The following DENND3 variants were observed in gnomAD, a reference collection of about 807,000 sequenced individuals.
DENND3 encodes the protein DENN domain-containing protein 3.
DENND3 carries 88 observed loss-of-function variants against 135.1 expected under a neutral mutation model. The ratio of observed to expected loss-of-function variants is 0.65; its 90% confidence interval spans 0.55 to 0.78. DENND3 has a LOEUF of 0.78. DENND3 is among the 30% of genes least tolerant of loss of function. The probability of loss-of-function intolerance (pLI) is 0.00; values close to 1 mark genes in which losing one functional copy is unlikely to be tolerated. For missense variants in DENND3, 1,392 were observed against 1,688.4 expected, an observed-to-expected ratio of 0.82 and a Z score of 3.08; for synonymous variants, 693 against 712.3, an observed-to-expected ratio of 0.97 and a Z score of 0.43.
At position 141,194,197 on chromosome 8, in the gene DENND3, G is replaced by A; in HGVS notation, c.3801G>A (p.Arg1267=). 6.2e-7 allele frequency: 1 copy of A among 1,613,390 alleles called. No homozygotes were observed. The highest frequency in any genetic ancestry group is 8.5e-7 in the Non-Finnish European group (1 of 1,179,938). The change falls in exon 23 of 23, where the codon AGG becomes AGA. Residue 1267 remains arginine, a synonymous_variant. Coordinates refer to ENST00000519811, the MANE Select transcript of DENND3 (RefSeq NM_001352890.3). ...GATACGTGCTGAGTGGGTCGGGCAG[G>A]GAGGAGGGGAAAGTCGCCATTTGGA... ...EDRYVLSGSG[R]EEGKVAIWKG... is the part of the protein sequence containing the mutation.
Position 141,174,730 on chromosome 8 carries a change from C to T in DENND3, c.2276-470C>T, listed in dbSNP as rs1313543105. On this transcript the variant is annotated intron_variant, in intron 13 of 22. Transcript: ENST00000519811. This position sits in a 1 kb window ranked among gnomAD's most constrained non-coding sequence, Gnocchi z 4.6. Reference sequence around the variant, plus strand: ...AGGTCGGGCCAGTTACAGGAGAGGCCGACCCAGTGGCAGGGCAGCGGCGCT... The same window carrying T: ...AGGTCGGGCCAGTTACAGGAGAGGCTGACCCAGTGGCAGGGCAGCGGCGCT... 6.6e-6 allele frequency among the ~76,000 whole-genome samples: 1 copy of T among 151,450 alleles called. No homozygotes were observed. The highest frequency in any genetic ancestry group is 6.6e-5 in the Admixed American group (1 of 15,200).
Position 141,166,131 on chromosome 8 carries a change from G to C in DENND3, c.1554-59G>C. 1 of 1,540,618 alleles carries C rather than the reference G, an allele frequency of 6.5e-7. No individual in the cohort carries two copies. Among genetic ancestry groups the C allele is most frequent in the Admixed American group, 1.7e-5 (1 of 59,190 alleles). ...ACACTGGGAAAAATGCTTAGTTTAGGCTTATTCTTCAATCATTATTGTGTC... is the reference window on the plus strand; with the variant it reads ...ACACTGGGAAAAATGCTTAGTTTAGCCTTATTCTTCAATCATTATTGTGTC... On this transcript the variant is annotated intron_variant, in intron 11 of 22. Coordinates refer to ENST00000519811, the MANE Select transcript of DENND3 (RefSeq NM_001352890.3). The surrounding 1 kb of genome is among the most constrained non-coding windows in gnomAD (Gnocchi z 4.3).
At chr8:141,180,150 C>T (rs1808701) in intron 16 of DENND3, among the ~76,000 whole-genome samples, 2,333 of 152,312 alleles carry the variant, frequency 0.015, 67 homozygotes, top group African/African-American at 0.052. Context: ...CCCCTCACTG[C>T]GGAGAGGCAT....
rs1821010412 is a variant in DENND3, at chr8:141,167,869, C to T, written c.1754-135C>T. 5.4e-6 allele frequency: 7 copies of T among 1,294,618 alleles called. No homozygotes were observed. The highest frequency in any genetic ancestry group is 4.4e-5 in the South Asian group (3 of 68,788). The allele number at this position is 1,294,618 out of a possible 1,614,324, so 80.2% of individuals were successfully genotyped here. ...CAGGGGGGTGGGTGTGTGGAGCTTT[C>T]TGGAGGGAGCACACCCATTCTCATT... On this transcript the variant is annotated intron_variant, in intron 12 of 22. Coordinates refer to ENST00000519811, the MANE Select transcript of DENND3 (RefSeq NM_001352890.3). The surrounding 1 kb of genome is among the most constrained non-coding windows in gnomAD (Gnocchi z 4.1).
At chr8:141,178,887 G>A (rs980896181) in intron 16 of DENND3, among the ~76,000 whole-genome samples, 5 of 152,208 alleles carry the variant, frequency 3.3e-5, no homozygotes, top group Admixed American at 2.0e-4. Flanking sequence ...GATAGACACC[G>A]TTTGGGTGAA....
At chr8:141,159,457 A>G (rs1176943446) in intron 8 of DENND3, among the ~76,000 whole-genome samples, 1 of 150,496 alleles carries the variant, frequency 6.6e-6, no homozygotes, top group Non-Finnish European at 1.5e-5. Flanking sequence ...TCCTGGGAGA[A>G]CTCTTCTCTG....
At chr8:141,173,081 G>A (rs189782628) in intron 13 of DENND3, among the ~76,000 whole-genome samples, 12 of 152,306 alleles carry the variant, frequency 7.9e-5, no homozygotes, top group African/African-American at 2.2e-4. Flanking sequence ...TTTCTAAAAC[G>A]GAAGGGAGAC....
At position 141,137,499 on chromosome 8, in the gene DENND3, C is replaced by T. The variant is rs975930485; in HGVS notation, c.386-523C>T. On this transcript the variant is annotated intron_variant, in intron 2 of 22. Transcript: ENST00000519811. This position sits in a 1 kb window ranked among gnomAD's most constrained non-coding sequence, Gnocchi z 4.1. ...CAGTTCATCTGCAGCGGTTCCACCC[C>T]CAGTGTGCCTGAGCCTCTCCCTTCC... 1.4e-4 allele frequency among the ~76,000 whole-genome samples: 21 copies of T among 152,180 alleles called. No homozygotes were observed. The highest frequency in any genetic ancestry group is 4.8e-4 in the African/African-American group (20 of 41,432).
intron 4 of DENND3, chr8:141,142,061 G>T (rs1182120224): frequency 3.4e-6 from 1 of 294,336 alleles, no homozygotes; most frequent in African/African-American, 2.3e-5. Flanking sequence ...TGTAGAATCT[G>T]TAACTGTCTC....
Position 141,166,125 on chromosome 8 carries a change from G to C in DENND3, c.1554-65G>C. The C allele has an allele frequency of 1.3e-6, 2 of 1,526,082 alleles. No individual in the cohort carries two copies. Among genetic ancestry groups the C allele is most frequent in the African/African-American group, 1.4e-5 (1 of 73,202 alleles). 94.5% of individuals were successfully genotyped at this position (1,526,082 alleles called of 1,614,324 possible). On this transcript the variant is annotated intron_variant, in intron 11 of 22. Transcript: ENST00000519811. This position sits in a 1 kb window ranked among gnomAD's most constrained non-coding sequence, Gnocchi z 4.3. The stretch of plus-strand genomic sequence containing the variant: ...TTCATCACACTGGGAAAAATGCTTA[G>C]TTTAGGCTTATTCTTCAATCATTAT...
chr8:141,175,484 G>A lies in DENND3; in HGVS notation c.2535+25G>A, dbSNP rs1478683214. Reference sequence around the variant, plus strand: ...GGTAAGGACAGCACAGGCAGACGGCGCCAGACCCCACCTGTGTTTAGGAGA... The same window carrying A: ...GGTAAGGACAGCACAGGCAGACGGCACCAGACCCCACCTGTGTTTAGGAGA... On this transcript the variant is annotated intron_variant, in intron 14 of 22. Transcript: ENST00000519811. The surrounding 1 kb of genome is among the most constrained non-coding windows in gnomAD (Gnocchi z 5.4). The A allele has an allele frequency of 5.6e-6, 9 of 1,613,824 alleles. No individual in the cohort carries two copies. The highest frequency in any genetic ancestry group is 2.2e-5 in the East Asian group (1 of 44,886).
intron 8 of DENND3, 114 bp downstream of exon 8, chr8:141,156,084 T>C (rs1431720558): frequency 1.6e-5 from 21 of 1,338,218 alleles, no homozygotes; most frequent in Non-Finnish European, 1.7e-5. Flanking sequence ...TTATATATTA[T>C]AGTTTGGAAA....
At chr8:141,145,675 A>G (rs1361856101) in intron 5 of DENND3, among the ~76,000 whole-genome samples, 1 of 151,876 alleles carries the variant, frequency 6.6e-6, no homozygotes, top group East Asian at 1.9e-4. Flanking sequence ...GTGGCACTTC[A>G]GTGGTTAGCA....
chr8:141,193,020 C>A (rs921977537), intron 22 of DENND3: 10 of 715,890 alleles, frequency 1.4e-5, no homozygotes, highest in Admixed American at 7.8e-5. Flanking sequence ...CCCTTCTCTC[C>A]CCCACCCGCT....
chr8:141,176,291 A>AAAAAAAAAAAC (rs1569556487), intron 14 of DENND3: 8 of 234,578 alleles, frequency 3.4e-5, no homozygotes, highest in African/African-American at 1.5e-4. Flanking sequence ...ACAAAACAAA[A>AAAAAAAAAAAC]AAAAAAAAAC....
chr8:141,166,238 A>C lies in DENND3; in HGVS notation c.1602A>C (p.Arg534Ser), dbSNP rs780409767. The C allele has an allele frequency of 3.1e-6, 5 of 1,614,172 alleles. No homozygotes were observed. The highest frequency in any genetic ancestry group is 4.2e-6 in the Non-Finnish European group (5 of 1,180,046). Residue 534 changes from arginine (R) to serine (S), a missense_variant, in exon 12 of 23, where the codon AGA (arginine) becomes AGC (serine). Coordinates refer to ENST00000519811, the MANE Select transcript of DENND3 (RefSeq NM_001352890.3). This position sits in a 1 kb window ranked among gnomAD's most constrained non-coding sequence, Gnocchi z 4.3. ...CAAGGAGACCGACCGTTGAGAAAAG[A>C]GCCTCCCGGAAGTCCTCGCACCTGC... is the stretch of plus-strand genomic sequence containing the variant. ...LSPRRPTVEK[R>S]ASRKSSHLHV... is the part of the protein sequence containing the mutation.
chr8:141,145,942 G>A (rs1453802067), intron 5 of DENND3, among the ~76,000 whole-genome samples: 1 of 149,450 alleles, frequency 6.7e-6, no homozygotes, highest in Non-Finnish European at 1.5e-5. Context: ...TCTGCCTCCT[G>A]GGTTCAAGAC....
rs570186904 is a variant in DENND3, at chr8:141,133,171, G to A, written c.103-3338G>A. Among the ~76,000 whole-genome samples, 374 of 152,302 alleles carry A rather than the reference G, an allele frequency of 2.5e-3. 2 individuals carry two copies. Among genetic ancestry groups the A allele is most frequent in the African/African-American group, 8.6e-3 (358 of 41,558 alleles). ...GCCCCCGTGCAGGTGGAGCAGCGAG[G>A]GGCTGGGGCCTGAGCCCATGGAAGA... is the stretch of plus-strand genomic sequence containing the variant. On this transcript the variant is annotated intron_variant, in intron 1 of 22. Transcript: ENST00000519811.
chr8:141,192,810 G>T, intron 22 of DENND3, 147 bp downstream of exon 22: 1 of 1,571,960 alleles, frequency 6.4e-7, no homozygotes, highest in East Asian at 2.3e-5. Flanking sequence ...GCACGTGCAG[G>T]GTTGGTGCCA....
Sources: gnomAD v4.1 joint callset for allele counts (sites outside exome capture counted in the v4.1 genomes callset) on GRCh38, gnomAD v4.1.1 for gene constraint, Gnocchi (gnomAD v3.1) non-coding constraint, MANE v1.5 for transcripts, NCBI Gene and HGNC (gene_info 2026-07-23, HGNC 2026-07-21) for gene names.